The following ATR variants were observed in gnomAD, a reference collection of about 807,000 sequenced individuals.
ATR encodes ATR checkpoint kinase.
In ATR, 142 loss-of-function variants were observed where a neutral mutation model predicts 305.3. The observed-to-expected ratio is 0.47, with a 90% confidence interval of 0.41 to 0.53. ATR has a LOEUF of 0.53. Among genes scored for constraint, ATR ranks in the 20% least tolerant of loss-of-function variants. The probability of loss-of-function intolerance (pLI) is 0.00; values close to 1 mark genes in which losing one functional copy is unlikely to be tolerated. For missense variants in ATR, 2,135 were observed against 3,133.1 expected (o/e 0.68, Z 7.60); for synonymous variants, 1,050 against 1,068.1 (o/e 0.98, Z 0.33).
intron 20 of ATR, 71 bp from the exon 21 acceptor site, chr3:142,535,276 T>G: frequency 6.4e-7 from 1 of 1,572,542 alleles, no homozygotes; most frequent in Non-Finnish European, 8.7e-7. Flanking sequence ...AAGGCCTGAA[T>G]TCTCTATATA....
intron 13 of ATR, among the ~76,000 whole-genome samples, chr3:142,551,737 G>A (rs920657858): frequency 6.6e-6 from 1 of 152,062 alleles, no homozygotes; most frequent in Non-Finnish European, 1.5e-5. Context: ...GAAAATCTAG[G>A]CAATACCTCA....
chr3:142,553,238 G>A lies in ATR; in HGVS notation c.2794C>T (p.Pro932Ser), dbSNP rs2108462032. The A allele has an allele frequency of 6.2e-7, 1 of 1,614,106 alleles. No homozygotes were observed. The highest frequency in any genetic ancestry group is 2.2e-5 in the East Asian group (1 of 44,878). Residue 932 changes from proline to serine, a missense_variant, in exon 13 of 47, where the codon CCC becomes TCC. Coordinates refer to ENST00000350721, the MANE Select transcript of ATR (RefSeq NM_001184.4). Reference sequence around the variant, plus strand: ...ACGCTGACTCTTACCTGACAGATGGGTTTCTTATACTGGCTGAAAAAACTT... The same window carrying A: ...ACGCTGACTCTTACCTGACAGATGGATTTCTTATACTGGCTGAAAAAACTT... Reference protein sequence around the residue: ...LQSFFSQYKKPICQFLVESLH... With the variant: ...LQSFFSQYKKSICQFLVESLH...
intron 19 of ATR, 89 bp from the exon 20 acceptor site, chr3:142,536,290 T>A (rs2033858974): frequency 1.1e-6 from 1 of 909,140 alleles, no homozygotes; most frequent in Non-Finnish European, 1.8e-6. Flanking sequence ...AAGGCCAATT[T>A]AATTCATAAT....
rs1407165206 is a variant in ATR at position 142,560,307 on chromosome 3, C to G, written c.1497G>C (p.Leu499=). ...MLEGIAVVLQ[L]TALCTVHCSH... ...AACAATGAACAGTACACAGAGCAGT[C>G]AGTTGTAAGACAACAGCAATTCCTT... Residue 499 remains leucine, a synonymous_variant, in exon 6 of 47, where the codon CTG becomes CTC. Coordinates refer to ENST00000350721, the MANE Select transcript of ATR (RefSeq NM_001184.4). The G allele has an allele frequency of 4.3e-6, 7 of 1,613,898 alleles. No individual in the cohort carries two copies. Among genetic ancestry groups the G allele is most frequent in the Non-Finnish European group, 5.9e-6 (7 of 1,179,912 alleles).
chr3:142,451,636 G>A, intron 46 of ATR: 2 of 1,248,242 alleles, frequency 1.6e-6, no homozygotes, highest in South Asian at 1.5e-5. Context: ...CTGGAGTGCA[G>A]TGGTGTCATC....
intron 34 of ATR, among the ~76,000 whole-genome samples, chr3:142,493,999 A>G (rs1027500756): frequency 2.0e-5 from 3 of 151,564 alleles, no homozygotes; most frequent in Non-Finnish European, 4.4e-5. Context: ...ATGCCACTGC[A>G]CTCCAGCCTG....
chr3:142,475,646 A>G (rs1420454681), intron 36 of ATR, among the ~76,000 whole-genome samples: 1 of 152,178 alleles, frequency 6.6e-6, no homozygotes. Flanking sequence ...TGGTATTTCT[A>G]GTTCTAGATC....
chr3:142,506,462 G>A (rs561637697), intron 28 of ATR, among the ~76,000 whole-genome samples: 1 of 152,282 alleles, frequency 6.6e-6, no homozygotes, highest in South Asian at 2.1e-4. Context: ...GAGAGGCCAA[G>A]GCAGGCAGAT....
At chr3:142,496,542 T>C (rs2031658767) in intron 33 of ATR, 22 bp from the exon 34 acceptor site, 30 of 1,603,520 alleles carry the variant, frequency 1.9e-5, no homozygotes, top group Non-Finnish European at 2.3e-5. Flanking sequence ...AACAACACAT[T>C]GGTGAGAGAG....
intron 36 of ATR, among the ~76,000 whole-genome samples, chr3:142,481,093 C>T (rs1425225811): frequency 1.3e-5 from 2 of 152,130 alleles, no homozygotes; most frequent in East Asian, 3.9e-4. Flanking sequence ...CACCCACTGT[C>T]CTGCACCCAC....
chr3:142,552,669 C>CAAAA (rs143475912), intron 13 of ATR, among the ~76,000 whole-genome samples: 2 of 93,314 alleles, frequency 2.1e-5, no homozygotes, highest in African/African-American at 4.2e-5. Flanking sequence ...TACTCCATCT[C>CAAAA]AAAAAAAAAA....
At chr3:142,536,547 T>G (rs2033868469) in intron 19 of ATR, among the ~76,000 whole-genome samples, 1 of 152,216 alleles carries the variant, frequency 6.6e-6, no homozygotes, top group African/African-American at 2.4e-5. Context: ...TTGGGGCCTG[T>G]TAAAAATGCC....
chr3:142,567,554 T>C (rs1445807028), intron 2 of ATR, among the ~76,000 whole-genome samples: 1 of 152,202 alleles, frequency 6.6e-6, no homozygotes, highest in East Asian at 1.9e-4. Flanking sequence ...TCAACAGATA[T>C]GACAAATGTG....
At chr3:142,542,308 T>C (rs941674632) in intron 17 of ATR, among the ~76,000 whole-genome samples, 11 of 152,180 alleles carry the variant, frequency 7.2e-5, no homozygotes, top group Non-Finnish European at 1.0e-4. Context: ...GGTCATTAAC[T>C]GGCTCTTAAG....
Position 142,561,486 on chromosome 3 carries a change from C to T in ATR, c.1171-65G>A, listed in dbSNP as rs2034877232. 2.0e-6 allele frequency: 3 copies of T among 1,478,810 alleles called. No individual in the cohort carries two copies. The Admixed American group carries it at 5.9e-5, about 29-fold the overall frequency. 91.6% of individuals were successfully genotyped at this position (1,478,810 alleles called of 1,614,324 possible). ...AAAATATATTTATATTATTCATAGG[C>T]AGCAAGAATGTATTAGATGTTAGGT... is the stretch of plus-strand genomic sequence containing the variant. On this transcript the variant is annotated intron_variant, in intron 4 of 46. Coordinates refer to ENST00000350721, the MANE Select transcript of ATR (RefSeq NM_001184.4).
rs1431768486 is a variant in ATR, at chr3:142,508,053, G to C, written c.4909C>G (p.Pro1637Ala). The C allele has an allele frequency of 6.2e-7, 1 of 1,613,090 alleles. No individual in the cohort carries two copies. The highest frequency in any genetic ancestry group is 1.7e-5 in the Admixed American group (1 of 59,876). ...QSVTRFLDLI[P>A]QDTLAVASFR... The stretch of plus-strand genomic sequence containing the variant: ...GAAGCTACTGCCAGAGTATCCTGGG[G>C]TATGAGGTCTAGAAAACGGGTTACA... Residue 1637 changes from proline (P) to alanine (A), a missense_variant, in exon 28 of 47, where the codon CCC (proline) becomes GCC (alanine). Around this residue, in one of 9 missense-constraint regions of ATR, gnomAD observed 45 missense variants for 80.4 expected, o/e 0.56. Transcript: ENST00000350721.
At chr3:142,459,902 C>CA (rs1471239634) in intron 42 of ATR, among the ~76,000 whole-genome samples, 1 of 151,880 alleles carries the variant, frequency 6.6e-6, no homozygotes, top group African/African-American at 2.4e-5. Flanking sequence ...ATACAAGACT[C>CA]AAAATTAAGT....
chr3:142,451,807 A>G (rs1478351892), intron 46 of ATR: 4 of 1,266,172 alleles, frequency 3.2e-6, no homozygotes, highest in Middle Eastern at 3.0e-4. Context: ...TTAGATATGT[A>G]TATAGCTTGA....
intron 36 of ATR, among the ~76,000 whole-genome samples, chr3:142,476,219 C>A (rs1401317658): frequency 6.6e-6 from 1 of 151,976 alleles, no homozygotes. Flanking sequence ...AGGGTTTTTA[C>A]GGTTTTAGGT....
Sources: gnomAD v4.1 joint callset for allele counts (sites outside exome capture counted in the v4.1 genomes callset) on GRCh38, gnomAD v4.1.1 for gene constraint, gnomAD v4.1.1 regional missense constraint, MANE v1.5 for transcripts, NCBI Gene and HGNC (gene_info 2026-07-23, HGNC 2026-07-21) for gene names.